Variants in TAFA2 observed in about 807,000 individuals in gnomAD.
TAFA2 encodes the protein chemokine-like protein TAFA-2.
TAFA2 carries 7 observed loss-of-function variants against 18.8 expected under a neutral mutation model. The observed-to-expected ratio is 0.37, with a 90% CI of 0.21 to 0.70. The LOEUF (loss-of-function observed/expected upper bound fraction) is 0.70, where lower values mean the gene tolerates loss of function less well. Ranked by LOEUF, TAFA2 falls within the 30% of genes least tolerant of loss-of-function variation. TAFA2 has a pLI of 0.53. For synonymous variants in TAFA2, 60 were observed against 54.2 expected (o/e 1.11, Z -0.47); for missense variants, 122 against 158.1 (o/e 0.77, Z 1.23).
intron 1 of TAFA2, among the ~76,000 whole-genome samples, chr12:62,177,948 G>T (rs1313605715): frequency 6.6e-6 from 1 of 152,108 alleles, no homozygotes; most frequent in East Asian, 1.9e-4. Flanking sequence ...CCTCCATGGA[G>T]TCTATCCCCT....
intron 1 of TAFA2, among the ~76,000 whole-genome samples, chr12:61,869,200 G>A (rs1024738027): frequency 1.3e-5 from 2 of 152,134 alleles, no homozygotes; most frequent in Non-Finnish European, 2.9e-5. Flanking sequence ...AGGTATTTGA[G>A]CTTTTAGATC....
intron 4 of TAFA2, among the ~76,000 whole-genome samples, chr12:61,717,174 G>A (rs1362102989): frequency 1.3e-5 from 2 of 151,954 alleles, no homozygotes; most frequent in Non-Finnish European, 2.9e-5. Context: ...ATTTAAGCTT[G>A]AGAAAAGCTG....
At chr12:61,739,735 T>G (rs1467343575) in intron 4 of TAFA2, among the ~76,000 whole-genome samples, 2 of 152,028 alleles carry the variant, frequency 1.3e-5, no homozygotes, top group African/African-American at 4.8e-5. Context: ...TTTGTGAAAT[T>G]TAATCTCAAA....
intron 1 of TAFA2, among the ~76,000 whole-genome samples, chr12:61,977,483 A>G (rs969443989): frequency 1.3e-5 from 2 of 152,084 alleles, no homozygotes; most frequent in African/African-American, 4.8e-5. Context: ...TGTGCACTGA[A>G]TGTCATGGCT....
At chr12:61,899,994 A>C (rs1416904239) in intron 1 of TAFA2, among the ~76,000 whole-genome samples, 1 of 152,210 alleles carries the variant, frequency 6.6e-6, no homozygotes, top group South Asian at 2.1e-4. Context: ...TACTAAGGGA[A>C]GACTGTATTT....
At chr12:61,838,007 A>T (rs1361067913) in intron 2 of TAFA2, among the ~76,000 whole-genome samples, 1 of 152,030 alleles carries the variant, frequency 6.6e-6, no homozygotes, top group Non-Finnish European at 1.5e-5. Context: ...CTCAGCTCCC[A>T]GACAGAGTTG....
chr12:62,140,895 C>T (rs1021129085), intron 1 of TAFA2, among the ~76,000 whole-genome samples: 1 of 152,134 alleles, frequency 6.6e-6, no homozygotes, highest in African/African-American at 2.4e-5. Context: ...ATTAAAACAG[C>T]CTTGACTGTA....
Position 62,214,650 on chromosome 12 carries a change from G to A in TAFA2, c.-130+44113C>T, listed in dbSNP as rs529197112. ...GAGGTCTTTAGGGTGGGACTTAATCGAATATGACTGGTGCCCTTGTGCCCG... is the reference window on the plus strand; with the variant it reads ...GAGGTCTTTAGGGTGGGACTTAATCAAATATGACTGGTGCCCTTGTGCCCG... On this transcript the variant is annotated intron_variant, in intron 1 of 5. Coordinates refer to the TAFA2 transcript ENST00000551619. 1.6e-4 allele frequency among the ~76,000 whole-genome samples: 25 copies of A among 152,232 alleles called. No homozygotes were observed. The South Asian group carries it at 3.5e-3, about 21-fold the overall frequency.
intron 1 of TAFA2, among the ~76,000 whole-genome samples, chr12:62,025,306 A>G (rs1259931487): frequency 3.9e-5 from 6 of 152,124 alleles, no homozygotes; most frequent in African/African-American, 1.4e-4. Flanking sequence ...ATTGGGTACT[A>G]TGCTCAGTAC....
At chr12:61,971,051 A>G (rs1282784840) in intron 1 of TAFA2, among the ~76,000 whole-genome samples, 1 of 151,704 alleles carries the variant, frequency 6.6e-6, no homozygotes, top group Non-Finnish European at 1.5e-5. Context: ...TATTGAACTA[A>G]GAAGAAGTGG....
chr12:62,227,088 T>A (rs1273093053), intron 1 of TAFA2, among the ~76,000 whole-genome samples: 3 of 152,258 alleles, frequency 2.0e-5, no homozygotes, highest in African/African-American at 7.2e-5. Flanking sequence ...AAGGTCTTCA[T>A]AATCCATTCC....
At chr12:62,076,545 A>G (rs991486472) in intron 1 of TAFA2, among the ~76,000 whole-genome samples, 1 of 151,848 alleles carries the variant, frequency 6.6e-6, no homozygotes, top group South Asian at 2.1e-4. Flanking sequence ...TCTCCTCACT[A>G]CTCTTCCAAA....
At chr12:61,834,818 A>G (rs963547235) in intron 2 of TAFA2, among the ~76,000 whole-genome samples, 1 of 152,090 alleles carries the variant, frequency 6.6e-6, no homozygotes. Flanking sequence ...TATCTTTAAT[A>G]TCATTTCTTA....
intron 1 of TAFA2, among the ~76,000 whole-genome samples, chr12:62,211,254 G>T (rs1592402653): frequency 6.6e-6 from 1 of 152,236 alleles, no homozygotes; most frequent in African/African-American, 2.4e-5. Flanking sequence ...TCAGAGATGG[G>T]TATAGAGTAT....
At chr12:62,182,134 T>C (rs2062556825) in intron 1 of TAFA2, among the ~76,000 whole-genome samples, 1 of 152,186 alleles carries the variant, frequency 6.6e-6, no homozygotes, top group South Asian at 2.1e-4. Context: ...TGACTTTGTA[T>C]ACTAGAATAT....
chr12:62,239,841 C>T (rs1201359759), intron 1 of TAFA2, among the ~76,000 whole-genome samples: 1 of 152,062 alleles, frequency 6.6e-6, no homozygotes, highest in African/African-American at 2.4e-5. Flanking sequence ...TGAGCTGTCC[C>T]CACTGAGCCC....
At chr12:61,805,085 C>T (rs1871555184) in intron 2 of TAFA2, among the ~76,000 whole-genome samples, 1 of 151,866 alleles carries the variant, frequency 6.6e-6, no homozygotes, top group African/African-American at 2.4e-5. Flanking sequence ...CCAAAGTTAA[C>T]AACTCTATTT....
chr12:62,081,013 T>A (rs1052635426), intron 1 of TAFA2, among the ~76,000 whole-genome samples: 3 of 152,014 alleles, frequency 2.0e-5, no homozygotes, highest in African/African-American at 7.2e-5. Context: ...CCTGACACGG[T>A]GAAACCCTGT....
intron 1 of TAFA2, among the ~76,000 whole-genome samples, chr12:62,020,906 G>A (rs1251321756): frequency 6.6e-6 from 1 of 152,090 alleles, no homozygotes; most frequent in Non-Finnish European, 1.5e-5. Context: ...AATATTTCAC[G>A]ACACGTTTAT....
Sources: gnomAD v4.1 joint callset for allele counts (sites outside exome capture counted in the v4.1 genomes callset) on GRCh38, gnomAD v4.1.1 for gene constraint, MANE v1.5 for transcripts, NCBI Gene and HGNC (gene_info 2026-07-23, HGNC 2026-07-21) for gene names.